The following GLMN variants were observed in gnomAD, a reference collection of about 807,000 sequenced individuals.
GLMN encodes glomulin, FKBP associated protein.
GLMN carries 75 observed loss-of-function variants against 87.8 expected under a neutral mutation model. The observed-to-expected ratio is 0.85, with a 90% CI of 0.71 to 1.04. GLMN has a LOEUF of 1.04. GLMN is among the 50% of genes least tolerant of loss of function. The probability of loss-of-function intolerance (pLI) is 0.00; values close to 1 mark genes in which losing one functional copy is unlikely to be tolerated. For synonymous variants in GLMN, 206 were observed against 221.6 expected, an observed-to-expected ratio of 0.93 and a Z score of 0.63; for missense variants, 588 against 658.8, an observed-to-expected ratio of 0.89 and a Z score of 1.18.
chr1:92,345,398 AAAAGAG>A, the GLMN span, among the ~76,000 whole-genome samples: 1 of 146,902 alleles, frequency 6.8e-6, no homozygotes, highest in African/African-American at 2.5e-5. Context: ...AAAAAAAAAA[AAAAGAG>A]AGAGAGAGAA....
chr1:92,351,305 C>CAAAAAAAAAAAAAAAAAA, the GLMN span, among the ~76,000 whole-genome samples: 63 of 86,828 alleles, frequency 7.3e-4, no homozygotes, highest in African/African-American at 2.5e-3. Flanking sequence ...GACTCTGTCT[C>CAAAAAAAAAAAAAAAAAA]AAAAAAAAAA....
At chr1:92,344,587 G>A in the GLMN span, among the ~76,000 whole-genome samples, 19 of 151,890 alleles carry the variant, frequency 1.3e-4, no homozygotes, top group African/African-American at 4.1e-4. Flanking sequence ...TTTTTTTTAT[G>A]TATAAGTGAG....
chr1:92,256,031 G>C, intron 16 of GLMN, among the ~76,000 whole-genome samples: 1 of 151,568 alleles, frequency 6.6e-6, no homozygotes, highest in East Asian at 1.9e-4. Context: ...AAAGAGAGAA[G>C]AATCAAATAG....
chr1:92,250,447 G>T (rs554787055), intron 16 of GLMN, among the ~76,000 whole-genome samples: 1 of 152,152 alleles, frequency 6.6e-6, no homozygotes, highest in East Asian at 1.9e-4. Flanking sequence ...TCCATTATAT[G>T]GAATTTATCC....
chr1:92,328,379 G>A, the GLMN span, among the ~76,000 whole-genome samples: 1 of 152,088 alleles, frequency 6.6e-6, no homozygotes, highest in Non-Finnish European at 1.5e-5. Context: ...GTTGGACTGG[G>A]TTAATTCAAA....
At chr1:92,286,375 T>C (rs934479943) in intron 7 of GLMN, 115 bp downstream of exon 7, 1 of 561,096 alleles carries the variant, frequency 1.8e-6, no homozygotes, top group Non-Finnish European at 3.2e-6. Flanking sequence ...TTTATGTGTG[T>C]TCTACAAAAA....
intron 3 of GLMN, among the ~76,000 whole-genome samples, chr1:92,292,045 CAAGTAA>C (rs1178593444): frequency 1.3e-5 from 2 of 152,180 alleles, no homozygotes; most frequent in Admixed American, 6.5e-5. Flanking sequence ...GCTTACCATA[CAAGTAA>C]AAGTTTATCT....
chr1:92,253,601 C>G (rs1420259099), intron 16 of GLMN, among the ~76,000 whole-genome samples: 1 of 152,186 alleles, frequency 6.6e-6, no homozygotes, highest in African/African-American at 2.4e-5. Context: ...TGTTCTGCAG[C>G]CTCCAATGGT....
rs1315706370 is a variant in GLMN at position 92,280,377 on chromosome 1, T to G, written c.735+6113A>C. ...CTCCAACATACCTGCAGCTGAGAGGTCTGTTAGAAGGAAAACTAACAAACA... is the reference window on the plus strand; with the variant it reads ...CTCCAACATACCTGCAGCTGAGAGGGCTGTTAGAAGGAAAACTAACAAACA... On this transcript the variant is annotated intron_variant, in intron 7 of 18. Coordinates refer to ENST00000370360, the MANE Select transcript of GLMN (RefSeq NM_053274.3). Among the ~76,000 whole-genome samples the G allele has an allele frequency of 2.6e-5, 4 of 151,712 alleles. No homozygotes were observed. The East Asian group carries it at 7.8e-4, about 29-fold the overall frequency.
chr1:92,318,208 TA>T, the GLMN span, among the ~76,000 whole-genome samples: 1 of 152,240 alleles, frequency 6.6e-6, no homozygotes, highest in Non-Finnish European at 1.5e-5. Context: ...ACTTTTTTTC[TA>T]TTTAGCTTGC....
chr1:92,297,805 A>G (rs1650302024), intron 2 of GLMN, 156 bp downstream of exon 2: 1 of 633,068 alleles, frequency 1.6e-6, no homozygotes, highest in Non-Finnish European at 2.8e-6. Context: ...TGGAGAAATA[A>G]TCCAATCTGC....
At chr1:92,354,353 A>C in the GLMN span, among the ~76,000 whole-genome samples, 1 of 152,226 alleles carries the variant, frequency 6.6e-6, no homozygotes, top group Non-Finnish European at 1.5e-5. Flanking sequence ...TTCTGAGAGA[A>C]TTGTTACAAG....
At chr1:92,284,472 A>C (rs1452670152) in intron 7 of GLMN, among the ~76,000 whole-genome samples, 2 of 152,238 alleles carry the variant, frequency 1.3e-5, no homozygotes, top group African/African-American at 4.8e-5. Context: ...AAATTAACTC[A>C]AGATGGATTA....
chr1:92,360,296 G>A, the GLMN span, among the ~76,000 whole-genome samples: 11 of 151,792 alleles, frequency 7.2e-5, no homozygotes, highest in African/African-American at 2.7e-4. Context: ...CAATTAGGTG[G>A]TGTGGGTAAC....
the GLMN span, among the ~76,000 whole-genome samples, chr1:92,329,339 T>G: frequency 1.3e-5 from 2 of 152,292 alleles, no homozygotes; most frequent in South Asian, 4.1e-4. Context: ...TATGGCTGAC[T>G]CTGCTGCATC....
At chr1:92,313,086 C>A in the GLMN span, among the ~76,000 whole-genome samples, 1 of 152,298 alleles carries the variant, frequency 6.6e-6, no homozygotes, top group South Asian at 2.1e-4. Flanking sequence ...AGGCTGGTCT[C>A]GAACTCCTGG....
the GLMN span, among the ~76,000 whole-genome samples, chr1:92,306,084 T>G: frequency 6.6e-6 from 1 of 152,220 alleles, no homozygotes; most frequent in African/African-American, 2.4e-5. Context: ...ACAAGGTGGA[T>G]GAACCTTGAA....
the GLMN span, among the ~76,000 whole-genome samples, chr1:92,349,688 G>C: frequency 6.6e-6 from 1 of 152,172 alleles, no homozygotes; most frequent in African/African-American, 2.4e-5. Context: ...AGCATTTTGG[G>C]AGGCTGAGGC....
chr1:92,287,750 C>T (rs536610802), intron 6 of GLMN, among the ~76,000 whole-genome samples: 24 of 151,798 alleles, frequency 1.6e-4, no homozygotes, highest in African/African-American at 5.8e-4. Flanking sequence ...CGAGGTCTTG[C>T]TATGTTGCCC....
Sources: allele counts gnomAD v4.1 joint callset (sites outside exome capture counted in the v4.1 genomes callset), GRCh38; gene constraint gnomAD v4.1.1; transcripts MANE v1.5; gene names NCBI Gene and HGNC (gene_info 2026-07-23, HGNC 2026-07-21).